BRIP1: variants seen among roughly 807,000 people sequenced by gnomAD.
BRIP1 encodes BRCA1 interacting DNA helicase 1, also known as Fanconi anemia group J protein.
A neutral mutation model predicts 119.7 loss-of-function variants in BRIP1; 88 were observed. The ratio of observed to expected loss-of-function variants is 0.74; its 90% confidence interval spans 0.62 to 0.88. The LOEUF is 0.88. Among genes scored for constraint, BRIP1 ranks in the 40% least tolerant of loss-of-function variants. The pLI, the probability that BRIP1 is intolerant of heterozygous loss-of-function variation, is 0.00. For missense variants in BRIP1, 1,259 were observed against 1,455.4 expected (o/e 0.87, Z 2.20); for synonymous variants, 443 against 496.5 (o/e 0.89, Z 1.43).
intron 6 of BRIP1, among the ~76,000 whole-genome samples, chr17:61,817,635 G>T (rs549496614): frequency 1.6e-4 from 24 of 152,154 alleles, no homozygotes; most frequent in African/African-American, 5.8e-4. Context: ...GGCATTAGCC[G>T]CATGGGCACT....
rs1028516544 is a variant in BRIP1 at position 61,842,012 on chromosome 17, T to C, written c.627+5089A>G. ...ATGTTTATTGCAGCGCTATTCATAA[T>C]AGACAAGGAGTTGGCATCAACCTAA... On this transcript the variant is annotated intron_variant, in intron 6 of 19. Transcript: ENST00000259008. The surrounding 1 kb of genome is among the most constrained non-coding windows in gnomAD (Gnocchi z 5.1). 3.3e-5 allele frequency among the ~76,000 whole-genome samples: 5 copies of C among 152,110 alleles called. No individual in the cohort carries two copies. Among genetic ancestry groups the C allele is most frequent in the African/African-American group, 1.2e-4 (5 of 41,424 alleles).
chr17:61,712,902 C>A (rs2061801544), intron 17 of BRIP1, among the ~76,000 whole-genome samples: 2 of 141,214 alleles, frequency 1.4e-5, no homozygotes, highest in African/African-American at 5.2e-5. Flanking sequence ...GACTTCATCT[C>A]AAAAAAAAAA....
Position 61,803,156 on chromosome 17 carries a change from C to T in BRIP1, c.919-1682G>A, listed in dbSNP as rs191072423. On this transcript the variant is annotated intron_variant, in intron 7 of 19. Coordinates refer to ENST00000259008, the MANE Select transcript of BRIP1 (RefSeq NM_032043.3). This position sits in a 1 kb window ranked among gnomAD's most constrained non-coding sequence, Gnocchi z 4.3. Reference sequence around the variant, plus strand: ...GTCACCTGGGGTGCAGTGGCACGATCCAATCTTGGTTCACTGCAACCTCCG... The same window carrying T: ...GTCACCTGGGGTGCAGTGGCACGATTCAATCTTGGTTCACTGCAACCTCCG... Among the ~76,000 whole-genome samples, 1 of 151,302 alleles carries T rather than the reference C, an allele frequency of 6.6e-6. No homozygotes were observed. The highest frequency in any genetic ancestry group is 1.9e-4 in the East Asian group (1 of 5,130).
intron 6 of BRIP1, among the ~76,000 whole-genome samples, chr17:61,812,014 T>C (rs2078169978): frequency 6.6e-6 from 1 of 152,108 alleles, no homozygotes; most frequent in Non-Finnish European, 1.5e-5. Context: ...AAACTGATTG[T>C]AGTAATATAA....
At chr17:61,813,213 C>A (rs79456818) in intron 6 of BRIP1, among the ~76,000 whole-genome samples, 2,961 of 151,368 alleles carry the variant, frequency 0.02, 51 homozygotes, top group Middle Eastern at 0.048. Flanking sequence ...TGAAGAGAAA[C>A]CTGTTTGAGT....
At chr17:61,765,379 T>TATA (rs1191564195) in intron 14 of BRIP1, among the ~76,000 whole-genome samples, 4 of 37,740 alleles carry the variant, frequency 1.1e-4, no homozygotes, top group Non-Finnish European at 1.4e-4. Context: ...TGTGTATATA[T>TATA]TATATATATA....
intron 14 of BRIP1, among the ~76,000 whole-genome samples, chr17:61,763,530 G>A (rs1292540174): frequency 6.6e-6 from 1 of 152,050 alleles, no homozygotes; most frequent in Non-Finnish European, 1.5e-5. Flanking sequence ...CACTAGGCAA[G>A]CAAGGTGAAT....
rs1295426302 is a variant in BRIP1 at position 61,680,561 on chromosome 17, G to C, written c.*2735C>G. Among the ~76,000 whole-genome samples, 1 of 142,574 alleles carries C rather than the reference G, an allele frequency of 7.0e-6. No homozygotes were observed. The highest frequency in any genetic ancestry group is 1.5e-5 in the Non-Finnish European group (1 of 66,822). 93.5% of individuals were successfully genotyped at this position (142,574 alleles called of 152,430 possible). A position where few individuals can be genotyped will look rare whatever the true frequency, so the allele number is the denominator to read the frequency against. On this transcript the variant is annotated 3_prime_UTR_variant, in exon 20 of 20. Transcript: ENST00000259008. ...GTGGCGCAATCTCGGCTCACTGCAA[G>C]CTCCACCTCCCGGGTTCACGCCATT... is the stretch of plus-strand genomic sequence containing the variant.
At chr17:61,750,931 A>C (rs1228165506) in intron 14 of BRIP1, among the ~76,000 whole-genome samples, 1 of 152,214 alleles carries the variant, frequency 6.6e-6, no homozygotes, top group Non-Finnish European at 1.5e-5. Flanking sequence ...CAGTTCCTCA[A>C]AAGTTCATAG....
rs184207418 is a variant in BRIP1 at position 61,818,951 on chromosome 17, C to T, written c.628-10194G>A. On this transcript the variant is annotated intron_variant, in intron 6 of 19. Coordinates refer to ENST00000259008, the MANE Select transcript of BRIP1 (RefSeq NM_032043.3). The stretch of plus-strand genomic sequence containing the variant: ...TTGTAATCCCAGCACTTTGGGAGGC[C>T]GAGGGGGGCAGATCACCTGAGGTCA... Among the ~76,000 whole-genome samples the T allele has an allele frequency of 5.8e-3, 887 of 151,934 alleles. 7 individuals carry two copies. Among genetic ancestry groups the T allele is most frequent in the Non-Finnish European group, 0.01 (689 of 67,940 alleles).
At position 61,681,674 on chromosome 17, in the gene BRIP1, T is replaced by G; in HGVS notation, c.*1622A>C. The stretch of plus-strand genomic sequence containing the variant: ...GCTCAATGATCAACTAGAAAAAATA[T>G]ATAATACTAGATGGGATCTAATATA... On this transcript the variant is annotated 3_prime_UTR_variant, in exon 20 of 20. Transcript: ENST00000259008. This position sits in a 1 kb window ranked among gnomAD's most constrained non-coding sequence, Gnocchi z 5.1. 1 of 198,538 alleles carries G rather than the reference T, an allele frequency of 5.0e-6. No individual in the cohort carries two copies. The highest frequency in any genetic ancestry group is 2.3e-5 in the African/African-American group (1 of 43,518). 12.3% of individuals were successfully genotyped at this position (198,538 alleles called of 1,614,324 possible).
Position 61,686,033 on chromosome 17 carries a change from T to G in BRIP1, c.2708A>C (p.Gln903Pro), listed in dbSNP as rs2061357542. 6.2e-7 allele frequency: 1 copy of G among 1,614,006 alleles called. No individual in the cohort carries two copies. Among genetic ancestry groups the G allele is most frequent in the Non-Finnish European group, 8.5e-7 (1 of 1,179,914 alleles). The change falls in exon 19 of 20, where the codon CAG becomes CCG. Residue 903 changes from glutamine (Q) to proline (P), a missense_variant. This residue lies in a region of BRIP1 where 753 missense variants were observed against 891.8 expected (regional missense o/e 0.84). Coordinates refer to ENST00000259008, the MANE Select transcript of BRIP1 (RefSeq NM_032043.3). The surrounding 1 kb of genome is among the most constrained non-coding windows in gnomAD (Gnocchi z 5.4). ...CACTTCAAGTGTAGACTCATTGTCC[T>G]GTATATTGGTTCTGTCCTTTATGGA... ...NVSIKDRTNI[Q>P]DNESTLEVTS... is the part of the protein sequence containing the mutation.
chr17:61,764,939 G>T (rs910928992), intron 14 of BRIP1, among the ~76,000 whole-genome samples: 1 of 151,990 alleles, frequency 6.6e-6, no homozygotes, highest in East Asian at 1.9e-4. Flanking sequence ...AGTATTAACA[G>T]GTGCAGCATT....
intron 16 of BRIP1, among the ~76,000 whole-genome samples, chr17:61,733,446 A>G (rs887092614): frequency 5.3e-5 from 8 of 152,134 alleles, no homozygotes; most frequent in Non-Finnish European, 1.2e-4. Flanking sequence ...GTGCTTTATT[A>G]CTTTATTAAT....
In BRIP1 at chr17:61,857,360, G is replaced by C. The variant is rs1250176175; in HGVS notation, c.206-129C>G. ...AGATTTTTAGGGCTAACACCAGGAA[G>C]GTACCTGGCAAACCTGGACAAGCTG... On this transcript the variant is annotated intron_variant, in intron 3 of 19. Transcript: ENST00000259008. The surrounding 1 kb of genome is among the most constrained non-coding windows in gnomAD (Gnocchi z 5.1). 1 of 787,238 alleles carries C rather than the reference G, an allele frequency of 1.3e-6. No individual in the cohort carries two copies. The highest frequency in any genetic ancestry group is 2.9e-5 in the Admixed American group (1 of 34,902). The allele number at this position is 787,238 out of a possible 1,614,324, so 48.8% of individuals were successfully genotyped here. A position where few individuals can be genotyped will look rare whatever the true frequency, so the allele number is the denominator to read the frequency against.
rs549062455 is a variant in BRIP1 at position 61,793,448 on chromosome 17, T to C, written c.1473+149A>G. The C allele has an allele frequency of 1.5e-6, 1 of 681,366 alleles. No individual in the cohort carries two copies. The highest frequency in any genetic ancestry group is 2.2e-5 in the South Asian group (1 of 45,370). The allele number at this position is 681,366 out of a possible 1,614,324, so 42.2% of individuals were successfully genotyped here. ...ATTTACCCATGCCATCACTTAAAGATTATCAAATTTAGATAATAAAATTTT... is the reference window on the plus strand; with the variant it reads ...ATTTACCCATGCCATCACTTAAAGACTATCAAATTTAGATAATAAAATTTT... On this transcript the variant is annotated intron_variant, in intron 10 of 19. Transcript: ENST00000259008. This position sits in a 1 kb window ranked among gnomAD's most constrained non-coding sequence, Gnocchi z 5.2.
At chr17:61,850,550 G>A (rs1023478707) in intron 4 of BRIP1, among the ~76,000 whole-genome samples, 4 of 152,114 alleles carry the variant, frequency 2.6e-5, no homozygotes, top group Admixed American at 6.5e-5. Flanking sequence ...ATTTGAGGCC[G>A]GCCCCAGTGG....
rs45466996 is a variant in BRIP1 at position 61,684,055 on chromosome 17, T to C, written c.2991A>G (p.Thr997=). 30 of 1,613,562 alleles carry C rather than the reference T, an allele frequency of 1.9e-5. No individual in the cohort carries two copies. Among genetic ancestry groups the C allele is most frequent in the Non-Finnish European group, 2.5e-5 (30 of 1,179,854 alleles). ...RSTSPTFNKQ[T]KRVSWSSFNS... ...TAAAGCTTGACCAGCTAACTCTCTT[T>C]GTTTGTTTGTTGAAAGTTGGGCTTG... Residue 997 remains threonine, a synonymous_variant, in exon 20 of 20, where the codon ACA becomes ACG. Coordinates refer to ENST00000259008, the MANE Select transcript of BRIP1 (RefSeq NM_032043.3). This position sits in a 1 kb window ranked among gnomAD's most constrained non-coding sequence, Gnocchi z 4.5.
chr17:61,702,846 C>G (rs558155412), intron 17 of BRIP1, among the ~76,000 whole-genome samples: 98 of 132,994 alleles, frequency 7.4e-4, no homozygotes, highest in Middle Eastern at 4.4e-3. Context: ...TTGGGTTGAA[C>G]AGTACTTCTG....
Sources: gnomAD v4.1 joint callset for allele counts (sites outside exome capture counted in the v4.1 genomes callset) on GRCh38, gnomAD v4.1.1 for gene constraint, gnomAD v4.1.1 regional missense constraint, Gnocchi (gnomAD v3.1) non-coding constraint, MANE v1.5 for transcripts, NCBI Gene and HGNC (gene_info 2026-07-23, HGNC 2026-07-21) for gene names.